The following DGKB variants were observed in gnomAD, a reference collection of about 807,000 sequenced individuals.
DGKB encodes 90 kDa diacylglycerol kinase.
In DGKB, 67 loss-of-function variants were observed where a neutral mutation model predicts 114.3. That is an observed-to-expected ratio of 0.59 (90% CI 0.48 to 0.72). The LOEUF is 0.72. Among genes scored for constraint, DGKB ranks in the 30% least tolerant of loss-of-function variants. DGKB has a pLI of 0.00. For synonymous variants in DGKB, 398 were observed against 323.1 expected (o/e 1.23, Z -2.49); for missense variants, 907 against 975.2 (o/e 0.93, Z 0.93).
At chr7:14,492,847 G>C (rs538565192) in intron 20 of DGKB, among the ~76,000 whole-genome samples, 1 of 152,002 alleles carries the variant, frequency 6.6e-6, no homozygotes, top group African/African-American at 2.4e-5. Context: ...ACAAAAAAGG[G>C]TTAAACTTTA....
At chr7:14,645,101 A>G (rs1404621) in intron 13 of DGKB, among the ~76,000 whole-genome samples, 117,107 of 151,934 alleles carry the variant, frequency 0.77, 45,325 homozygotes, top group Admixed American at 0.83. Flanking sequence ...ATCAAATGAT[A>G]TTTTTTTCAA....
chr7:14,953,752 A>G (rs1246163812), intron 1 of DGKB, among the ~76,000 whole-genome samples: 1 of 152,166 alleles, frequency 6.6e-6, no homozygotes, highest in Non-Finnish European at 1.5e-5. Context: ...ACAAATGTTC[A>G]TAGTAACATT....
intron 1 of DGKB, among the ~76,000 whole-genome samples, chr7:14,866,285 G>C (rs1023459847): frequency 3.9e-5 from 6 of 152,100 alleles, no homozygotes; most frequent in Non-Finnish European, 5.9e-5. Flanking sequence ...AAAGTCCATA[G>C]TTTACATTAG....
intron 23 of DGKB, among the ~76,000 whole-genome samples, chr7:14,221,734 G>C (rs1470603286): frequency 1.3e-5 from 2 of 151,222 alleles, no homozygotes; most frequent in Admixed American, 6.6e-5. Flanking sequence ...GTGAATAGTG[G>C]ATATTAATTT....
At chr7:14,868,896 C>T (rs951488604) in intron 1 of DGKB, among the ~76,000 whole-genome samples, 2 of 152,112 alleles carry the variant, frequency 1.3e-5, no homozygotes, top group African/African-American at 4.8e-5. Flanking sequence ...TCTTTGCTTC[C>T]TTGCATGGAT....
chr7:14,456,419 G>T (rs1318131623), intron 21 of DGKB, among the ~76,000 whole-genome samples: 3 of 152,006 alleles, frequency 2.0e-5, no homozygotes, highest in Non-Finnish European at 2.9e-5. Context: ...GGTAACTCAA[G>T]CTTTCAACAT....
intron 2 of DGKB, among the ~76,000 whole-genome samples, chr7:14,809,652 T>C (rs935999595): frequency 1.3e-5 from 2 of 152,140 alleles, no homozygotes; most frequent in African/African-American, 4.8e-5. Flanking sequence ...AGTTTTAATA[T>C]CTTTGGCATA....
intron 14 of DGKB, 135 bp from the exon 15 acceptor site, chr7:14,621,629 A>C (rs1038306545): frequency 1.7e-6 from 1 of 589,932 alleles, no homozygotes; most frequent in Non-Finnish European, 3.0e-6. Flanking sequence ...TTCCTAGTGA[A>C]TAATATGAAA....
intron 1 of DGKB, among the ~76,000 whole-genome samples, chr7:14,951,911 G>A (rs1292523819): frequency 6.6e-6 from 1 of 151,878 alleles, no homozygotes; most frequent in Admixed American, 6.6e-5. Flanking sequence ...AAATTAAAGA[G>A]GATCTAAATA....
chr7:14,803,682 G>T (rs929594447), intron 2 of DGKB, among the ~76,000 whole-genome samples: 2 of 147,968 alleles, frequency 1.4e-5, no homozygotes, highest in Middle Eastern at 3.2e-3. Flanking sequence ...ATGCGTTTTG[G>T]TCTACTAAGA....
chr7:14,275,140 A>T (rs1798818159), intron 23 of DGKB, among the ~76,000 whole-genome samples: 1 of 152,128 alleles, frequency 6.6e-6, no homozygotes, highest in African/African-American at 2.4e-5. Flanking sequence ...TTATGTTACC[A>T]TTGCCTTGAA....
chr7:14,504,953 C>T (rs566928263), intron 20 of DGKB, among the ~76,000 whole-genome samples: 1 of 152,198 alleles, frequency 6.6e-6, no homozygotes, highest in South Asian at 2.1e-4. Flanking sequence ...AACACTTTTC[C>T]AAATCCTCAA....
intron 1 of DGKB, among the ~76,000 whole-genome samples, chr7:14,886,415 T>A (rs1207331401): frequency 2.6e-5 from 4 of 151,758 alleles, no homozygotes; most frequent in African/African-American, 9.7e-5. Context: ...ATTCAACATG[T>A]TTAAACTGAA....
chr7:14,512,527 C>A (rs2128545430), intron 20 of DGKB, among the ~76,000 whole-genome samples: 1 of 152,210 alleles, frequency 6.6e-6, no homozygotes, highest in South Asian at 2.1e-4. Flanking sequence ...TCTATAATCT[C>A]TTCCTGACAA....
At chr7:14,694,872 T>C (rs1180756500) in intron 8 of DGKB, among the ~76,000 whole-genome samples, 2 of 152,176 alleles carry the variant, frequency 1.3e-5, no homozygotes, top group Admixed American at 6.5e-5. Flanking sequence ...TCATATAGTG[T>C]TGTTTGTGCT....
At chr7:14,184,942 G>A (rs145232521) in intron 23 of DGKB, among the ~76,000 whole-genome samples, 1,801 of 152,222 alleles carry the variant, frequency 0.012, 31 homozygotes, top group African/African-American at 0.034. Flanking sequence ...GAAGTTGAAA[G>A]CATTCCCTCT....
At chr7:14,464,482 CCAAA>C (rs1342492506) in intron 21 of DGKB, among the ~76,000 whole-genome samples, 31 of 151,988 alleles carry the variant, frequency 2.0e-4, no homozygotes, top group African/African-American at 7.0e-4. Flanking sequence ...ATATTAAAAA[CCAAA>C]CAAATTATGA....
chr7:14,207,201 A>T (rs1786972055), intron 23 of DGKB, among the ~76,000 whole-genome samples: 1 of 152,006 alleles, frequency 6.6e-6, no homozygotes, highest in African/African-American at 2.4e-5. Context: ...TCAGTATGTG[A>T]TCCATCAACA....
intron 4 of DGKB, among the ~76,000 whole-genome samples, chr7:14,744,273 G>A (rs889985384): frequency 6.6e-6 from 1 of 152,168 alleles, no homozygotes; most frequent in East Asian, 1.9e-4. Flanking sequence ...CAGTGCAATA[G>A]GAATTCATTT....
Sources: gnomAD v4.1 joint callset for allele counts (sites outside exome capture counted in the v4.1 genomes callset) on GRCh38, gnomAD v4.1.1 for gene constraint, MANE v1.5 for transcripts, NCBI Gene and HGNC (gene_info 2026-07-23, HGNC 2026-07-21) for gene names.